Variants in FAN1 observed in about 807,000 individuals in gnomAD.
The protein encoded by FAN1 is FANCD2 and FANCI associated nuclease 1.
Under a neutral mutation model 104.9 loss-of-function variants are expected in FAN1, and 91 were observed. That is an observed-to-expected ratio of 0.87 (90% CI 0.73 to 1.03). The LOEUF is 1.03. Ranked by LOEUF, FAN1 falls within the 50% of genes least tolerant of loss-of-function variation. FAN1 has a pLI of 0.00. For synonymous variants in FAN1, 478 were observed against 457.6 expected (o/e 1.04, Z -0.57); for missense variants, 1,263 against 1,239.9 (o/e 1.02, Z -0.28).
chr15:30,904,522 T>C lies in FAN1; in HGVS notation c.-142T>C, dbSNP rs752145511. ...TGTTTCTTCTTGTAGGAAGAAGAAA[T>C]TGTCGAGACGAATAACATGAGGTCA... On this transcript the variant is annotated 5_prime_UTR_variant, in exon 2 of 15. Transcript: ENST00000362065. 9.8e-6 allele frequency: 8 copies of C among 816,114 alleles called. No homozygotes were observed. Among genetic ancestry groups the C allele is most frequent in the Non-Finnish European group, 1.3e-5 (6 of 476,024 alleles). 50.6% of individuals were successfully genotyped at this position (816,114 alleles called of 1,614,324 possible). A position where few individuals can be genotyped will look rare whatever the true frequency, so the allele number is the denominator to read the frequency against.
chr15:30,930,510 GA>G (rs2062679977), intron 12 of FAN1, 32 bp from the exon 13 acceptor site: 1 of 1,563,530 alleles, frequency 6.4e-7, no homozygotes, highest in African/African-American at 1.4e-5. Context: ...TGTCACGAGG[GA>G]AGTGGCTAAC....
In FAN1 at chr15:30,936,857, G is replaced by A. The variant is rs528591953; in HGVS notation, c.2917-262G>A. Among the ~76,000 whole-genome samples, 15 of 133,526 alleles carry A rather than the reference G, an allele frequency of 1.1e-4. No individual in the cohort carries two copies. The South Asian group carries it at 2.5e-3, about 22-fold the overall frequency. The allele number at this position is 133,526 out of a possible 152,430, so 87.6% of individuals were successfully genotyped here. A position where few individuals can be genotyped will look rare whatever the true frequency, so the allele number is the denominator to read the frequency against. ...GTGGCTCACTGCTGCTGCCCAGCAT[G>A]GAGTATCATACTGGGAAAAGATCAA... On this transcript the variant is annotated intron_variant, in intron 13 of 14. Coordinates refer to ENST00000362065, the MANE Select transcript of FAN1 (RefSeq NM_014967.5).
At chr15:30,929,592 T>C (rs2062567092) in intron 12 of FAN1, among the ~76,000 whole-genome samples, 195 bp downstream of exon 12, 1 of 125,200 alleles carries the variant, frequency 8.0e-6, no homozygotes, top group Non-Finnish European at 1.6e-5. Context: ...TATTATATAT[T>C]ATATATTACA....
intron 7 of FAN1, 86 bp from the exon 8 acceptor site, chr15:30,922,149 C>A (rs1270279952): frequency 2.0e-6 from 3 of 1,478,980 alleles, no homozygotes; most frequent in Non-Finnish European, 2.8e-6. Context: ...TATAAATAGG[C>A]TTTACCAATC....
chr15:30,908,165 T>A lies in FAN1; in HGVS notation c.1282T>A (p.Trp428Arg), dbSNP rs372815502. Residue 428 changes from tryptophan (W) to arginine (R), a missense_variant, in exon 3 of 15, where the codon TGG becomes AGG. Trp to Arg is a moderately radical substitution (Grantham distance 101, BLOSUM62 -3). Coordinates refer to ENST00000362065, the MANE Select transcript of FAN1 (RefSeq NM_014967.5). Reference sequence around the variant, plus strand: ...AAGGCTCTTTCAACGTAAATTAAGCTGGATTAAGATGACCAAATTAGAGTA... The same window carrying A: ...AAGGCTCTTTCAACGTAAATTAAGCAGGATTAAGATGACCAAATTAGAGTA... ...YVRLFQRKLS[W>R]IKMTKLEYEE... The A allele has an allele frequency of 6.2e-7, 1 of 1,610,400 alleles. No homozygotes were observed. The highest frequency in any genetic ancestry group is 8.5e-7 in the Non-Finnish European group (1 of 1,178,538).
intron 2 of FAN1, chr15:30,906,478 A>G (rs1350105244): frequency 2.2e-6 from 1 of 456,622 alleles, no homozygotes; most frequent in Non-Finnish European, 4.4e-6. Flanking sequence ...CTTGGCAGCC[A>G]GGGGTGGCTC....
intron 11 of FAN1, among the ~76,000 whole-genome samples, chr15:30,928,961 G>C (rs986256496): frequency 3.9e-5 from 6 of 152,228 alleles, no homozygotes; most frequent in African/African-American, 1.4e-4. Flanking sequence ...GGAGCTCACA[G>C]ACATGGGCAC....
intron 13 of FAN1, among the ~76,000 whole-genome samples, chr15:30,932,221 CAAA>C (rs766829435): frequency 2.4e-4 from 12 of 49,498 alleles, no homozygotes; most frequent in South Asian, 7.4e-4. Flanking sequence ...GACTCCATCT[CAAA>C]AAAAAAAAAA....
Position 30,924,156 on chromosome 15 carries a change from G to A in FAN1, c.2173-971G>A, listed in dbSNP as rs140060127. 4.6e-4 allele frequency among the ~76,000 whole-genome samples: 70 copies of A among 152,314 alleles called. 1 individual carries two copies. The East Asian group carries it at 0.012, about 26-fold the overall frequency. On this transcript the variant is annotated intron_variant, in intron 8 of 14. Transcript: ENST00000362065. ...AGCATCATGTTTCTGAGCTTCACCC[G>A]CATCGTGGCACATGTCAGGACTCCG...
intron 6 of FAN1, among the ~76,000 whole-genome samples, chr15:30,919,488 C>T (rs150045922): frequency 0.052 from 7,786 of 150,628 alleles, 317 homozygotes; most frequent in Admixed American, 0.13. Context: ...GTCAGGAGTT[C>T]GAGACTAGCC....
At chr15:30,917,016 G>C (rs1000010016) in intron 5 of FAN1, among the ~76,000 whole-genome samples, 21 of 152,224 alleles carry the variant, frequency 1.4e-4, no homozygotes, top group African/African-American at 4.3e-4. Flanking sequence ...AGCTTGCTGA[G>C]TTGGAGGAAC....
At chr15:30,937,692 C>G (rs562167819) in intron 14 of FAN1, among the ~76,000 whole-genome samples, 2 of 151,852 alleles carry the variant, frequency 1.3e-5, no homozygotes, top group South Asian at 4.2e-4. Context: ...CTGACCTCAA[C>G]TGACCTACTC....
At position 30,905,038 on chromosome 15, in the gene FAN1, C is replaced by T; in HGVS notation, c.375C>T (p.Ile125=). ...DSAKREVKQK[I]SPYFKSNDVV... ...CAAAAAGGGAAGTAAAGCAGAAGAT[C>T]AGTCCCTACTTTAAAAGTAATGATG... Residue 125 remains isoleucine (I), a synonymous_variant, in exon 2 of 15, where the codon ATC becomes ATT. Coordinates refer to ENST00000362065, the MANE Select transcript of FAN1 (RefSeq NM_014967.5). The T allele has an allele frequency of 1.2e-6, 2 of 1,614,044 alleles. No individual in the cohort carries two copies. Among genetic ancestry groups the T allele is most frequent in the Non-Finnish European group, 1.7e-6 (2 of 1,180,020 alleles).
In FAN1 at chr15:30,913,881, C is replaced by T; in HGVS notation, c.1601C>T (p.Ser534Leu). 2 of 1,613,528 alleles carry T rather than the reference C, an allele frequency of 1.2e-6. No homozygotes were observed. Among genetic ancestry groups the T allele is most frequent in the Non-Finnish European group, 8.5e-7 (1 of 1,179,604 alleles). ...LKRAKALAGQ[S>L]VRICKGPRAV... ...AGAGCCAAAGCCTTGGCTGGACAGT[C>T]AGTACGAATCTGTAAAGGCCCCAGG... The change falls in exon 5 of 15, where the codon TCA (serine) becomes TTA (leucine). Residue 534 changes from serine to leucine, a missense_variant. Ser to Leu is a moderately radical substitution (Grantham distance 145). Around this residue, in one of 2 missense-constraint regions of FAN1, gnomAD observed 581 missense variants for 668.8 expected, o/e 0.87. Coordinates refer to ENST00000362065, the MANE Select transcript of FAN1 (RefSeq NM_014967.5).
intron 14 of FAN1, 98 bp from the exon 15 acceptor site, chr15:30,941,468 T>G (rs2063050291): frequency 6.2e-7 from 1 of 1,600,876 alleles, no homozygotes; most frequent in South Asian, 1.1e-5. Flanking sequence ...AAACACCCTA[T>G]TTTAGTCTTC....
chr15:30,937,403 G>A, intron 14 of FAN1, 144 bp downstream of exon 14: 1 of 610,410 alleles, frequency 1.6e-6, no homozygotes. Context: ...ACAAAACAGT[G>A]TTTGCTTGAA....
rs774210518 is a variant in FAN1 at position 30,905,398 on chromosome 15, C to T, written c.735C>T (p.Thr245=). 1.2e-6 allele frequency: 2 copies of T among 1,613,934 alleles called. No individual in the cohort carries two copies. Among genetic ancestry groups the T allele is most frequent in the Admixed American group, 1.7e-5 (1 of 59,998 alleles). ...KIMEAESQKA[T]RECEKSALTP... Reference sequence around the variant, plus strand: ...TGGAAGCCGAAAGCCAAAAGGCTACCCGGGAATGTGAGAAATCAGCCCTCA... The same window carrying T: ...TGGAAGCCGAAAGCCAAAAGGCTACTCGGGAATGTGAGAAATCAGCCCTCA... Residue 245 remains threonine (T), a synonymous_variant, in exon 2 of 15, where the codon ACC becomes ACT. Transcript: ENST00000362065.
At chr15:30,910,564 A>ATT in intron 3 of FAN1, 50 bp from the exon 4 acceptor site, 1 of 1,213,432 alleles carries the variant, frequency 8.2e-7, no homozygotes, top group Non-Finnish European at 1.1e-6. Flanking sequence ...AGGTAAATAA[A>ATT]GCTAGAAAAT....
At chr15:30,924,866 A>G (rs1429368694) in intron 8 of FAN1, among the ~76,000 whole-genome samples, 2 of 152,180 alleles carry the variant, frequency 1.3e-5, no homozygotes, top group African/African-American at 4.8e-5. Context: ...TGTGAGGGGC[A>G]GCTGCTGGGA....
Sources: allele counts gnomAD v4.1 joint callset (sites outside exome capture counted in the v4.1 genomes callset), GRCh38; gene constraint gnomAD v4.1.1; regional missense constraint gnomAD v4.1.1; transcripts MANE v1.5; gene names NCBI Gene and HGNC (gene_info 2026-07-23, HGNC 2026-07-21).